Variants in POU6F2 observed in about 807,000 individuals in gnomAD.
POU6F2 encodes the protein POU domain, class 6, transcription factor 2.
A neutral mutation model predicts 71.3 loss-of-function variants in POU6F2; 31 were observed. The ratio of observed to expected loss-of-function variants is 0.43; its 90% CI spans 0.33 to 0.59. The LOEUF is 0.59. Among genes scored for constraint, POU6F2 ranks in the 20% least tolerant of loss-of-function variants. The pLI, the probability that POU6F2 is intolerant of heterozygous loss-of-function variation, is 0.04. For missense variants in POU6F2, 783 were observed against 856.8 expected (o/e 0.91, Z 1.07); for synonymous variants, 347 against 355.7 (o/e 0.98, Z 0.27).
intron 8 of POU6F2, among the ~76,000 whole-genome samples, chr7:39,456,261 CCCCAGAG>C (rs1788802615): frequency 6.6e-6 from 1 of 152,168 alleles, no homozygotes; most frequent in African/African-American, 2.4e-5. Flanking sequence ...AACCCAACCT[CCCCAGAG>C]CCAGGAGAAT....
intron 5 of POU6F2, among the ~76,000 whole-genome samples, chr7:39,367,112 T>C (rs550253208): frequency 6.6e-6 from 1 of 152,294 alleles, no homozygotes; most frequent in East Asian, 1.9e-4. Flanking sequence ...GCAAACACTA[T>C]TCACCACAAG....
At chr7:39,021,754 G>A (rs1789684406) in intron 1 of POU6F2, among the ~76,000 whole-genome samples, 1 of 151,808 alleles carries the variant, frequency 6.6e-6, no homozygotes, top group African/African-American at 2.4e-5. Flanking sequence ...ATTTTAAAAT[G>A]TATAAAAAAA....
chr7:39,433,393 T>C, intron 7 of POU6F2, 110 bp downstream of exon 7: 8 of 1,197,970 alleles, frequency 6.7e-6, no homozygotes, highest in Admixed American at 2.2e-5. Context: ...AAATAGTTGA[T>C]CTCACTCATC....
intron 1 of POU6F2, among the ~76,000 whole-genome samples, chr7:38,993,850 G>A (rs1054233474): frequency 6.6e-6 from 1 of 152,082 alleles, no homozygotes; most frequent in Non-Finnish European, 1.5e-5. Context: ...GGAGTAACAT[G>A]TTCTCAGGGG....
At chr7:39,269,712 A>G (rs915975716) in intron 4 of POU6F2, among the ~76,000 whole-genome samples, 1 of 152,144 alleles carries the variant, frequency 6.6e-6, no homozygotes, top group Non-Finnish European at 1.5e-5. Context: ...GTTGAAGTGA[A>G]GCCTGCTAGG....
chr7:39,022,253 G>A (rs1789692872), intron 1 of POU6F2, among the ~76,000 whole-genome samples: 1 of 151,566 alleles, frequency 6.6e-6, no homozygotes, highest in Non-Finnish European at 1.5e-5. Flanking sequence ...TTCATACTTG[G>A]CATCTCTTTT....
At chr7:39,104,600 A>G (rs975033236) in intron 2 of POU6F2, among the ~76,000 whole-genome samples, 1 of 152,206 alleles carries the variant, frequency 6.6e-6, no homozygotes, top group African/African-American at 2.4e-5. Context: ...TTCATAAACT[A>G]GACTTTTCTA....
At chr7:39,105,990 C>T (rs2128724583) in intron 2 of POU6F2, among the ~76,000 whole-genome samples, 1 of 152,228 alleles carries the variant, frequency 6.6e-6, no homozygotes, top group East Asian at 1.9e-4. Context: ...GTGCTTGTAA[C>T]CACTCTCTGT....
chr7:39,388,734 T>C (rs1336575012), intron 5 of POU6F2, among the ~76,000 whole-genome samples: 1 of 152,366 alleles, frequency 6.6e-6, no homozygotes, highest in Middle Eastern at 3.4e-3. Flanking sequence ...AGAAAAGTCT[T>C]TATTTTGCTG....
chr7:39,243,354 G>C (rs73126469), intron 4 of POU6F2, among the ~76,000 whole-genome samples: 1,853 of 152,078 alleles, frequency 0.012, 18 homozygotes, highest in Non-Finnish European at 0.02. Context: ...TACCTCCACT[G>C]CACCCCCTGC....
intron 1 of POU6F2, among the ~76,000 whole-genome samples, chr7:39,022,655 C>T (rs540933493): frequency 1.3e-5 from 2 of 152,242 alleles, no homozygotes; most frequent in African/African-American, 4.8e-5. Context: ...CTCAGTGTAA[C>T]ATCTGTGATA....
chr7:39,364,282 A>G (rs924450789), intron 5 of POU6F2, among the ~76,000 whole-genome samples: 1 of 145,808 alleles, frequency 6.9e-6, no homozygotes, highest in Non-Finnish European at 1.5e-5. Context: ...TTTTATTTCC[A>G]TAGGTTATTG....
chr7:39,057,052 A>G (rs10253799), intron 1 of POU6F2, among the ~76,000 whole-genome samples: 358 of 152,212 alleles, frequency 2.4e-3, no homozygotes, highest in South Asian at 5.8e-3. Context: ...TGAGCCCTTC[A>G]TCTTGGAGAA....
At chr7:39,333,583 A>T (rs953694447) in intron 4 of POU6F2, among the ~76,000 whole-genome samples, 11 of 152,012 alleles carry the variant, frequency 7.2e-5, no homozygotes, top group Non-Finnish European at 1.6e-4. Context: ...CCAAAAATAC[A>T]AAAAATTAGC....
At chr7:39,135,415 G>T (rs1217238270) in intron 2 of POU6F2, among the ~76,000 whole-genome samples, 1 of 152,076 alleles carries the variant, frequency 6.6e-6, no homozygotes, top group Non-Finnish European at 1.5e-5. Flanking sequence ...ACATATATTG[G>T]GTTGGAAAAA....
intron 4 of POU6F2, among the ~76,000 whole-genome samples, chr7:39,227,125 C>A (rs1794474904): frequency 6.6e-6 from 1 of 152,174 alleles, no homozygotes; most frequent in African/African-American, 2.4e-5. Flanking sequence ...CTCCATGAAC[C>A]ACAGCTGAAT....
At chr7:38,980,603 T>C (rs957683728) in intron 1 of POU6F2, among the ~76,000 whole-genome samples, 2 of 152,222 alleles carry the variant, frequency 1.3e-5, no homozygotes, top group African/African-American at 4.8e-5. Context: ...GTCTTAAATA[T>C]CGTCTTATAT....
intron 2 of POU6F2, among the ~76,000 whole-genome samples, chr7:39,105,633 G>T (rs948837595): frequency 6.6e-6 from 1 of 152,190 alleles, no homozygotes; most frequent in Non-Finnish European, 1.5e-5. Flanking sequence ...GTGGGGGGTG[G>T]TGCAAAAGAT....
intron 4 of POU6F2, among the ~76,000 whole-genome samples, chr7:39,298,577 C>T (rs1174087531): frequency 6.6e-6 from 1 of 152,196 alleles, no homozygotes; most frequent in Non-Finnish European, 1.5e-5. Flanking sequence ...TTAGTTCAAC[C>T]ACTGTGGAAG....
Sources: gnomAD v4.1 joint callset for allele counts (sites outside exome capture counted in the v4.1 genomes callset) on GRCh38, gnomAD v4.1.1 for gene constraint, MANE v1.5 for transcripts, NCBI Gene and HGNC (gene_info 2026-07-23, HGNC 2026-07-21) for gene names.